Variants in GALNT13 observed in about 807,000 individuals in gnomAD.
The protein encoded by GALNT13 is polypeptide N-acetylgalactosaminyltransferase 13.
In GALNT13, 28 loss-of-function variants were observed where a neutral mutation model predicts 64.2. The ratio of observed to expected loss-of-function variants is 0.44; its 90% CI spans 0.32 to 0.60. The LOEUF (loss-of-function observed/expected upper bound fraction) is 0.60, where lower values mean the gene tolerates loss of function less well. Ranked by LOEUF, GALNT13 falls within the 20% of genes least tolerant of loss-of-function variation. The probability of loss-of-function intolerance (pLI) is 0.05; values close to 1 mark genes in which losing one functional copy is unlikely to be tolerated. For synonymous variants in GALNT13, 214 were observed against 224.6 expected (o/e 0.95, Z 0.42); for missense variants, 577 against 669.8 (o/e 0.86, Z 1.53).
Position 154,417,533 on chromosome 2 carries a change from C to T in GALNT13, c.1395+8451C>T, listed in dbSNP as rs1003432937. On this transcript the variant is annotated intron_variant, in intron 11 of 12. Transcript: ENST00000392825. ...TATTTATTTATTTATTTTTTTGAGG[C>T]GGAGTCTTGCTCTGTTGCCCAGGCT... Among the ~76,000 whole-genome samples the T allele has an allele frequency of 3.1e-3, 43 of 13,854 alleles. 1 individual carries two copies. In the South Asian group the frequency reaches 0.057, roughly 18 times the overall value. 9.1% of individuals were successfully genotyped at this position (13,854 alleles called of 152,430 possible).
the GALNT13 span, among the ~76,000 whole-genome samples, chr2:153,308,908 G>A: frequency 2.0e-5 from 3 of 152,050 alleles, no homozygotes; most frequent in Non-Finnish European, 4.4e-5. Context: ...ATGACATACA[G>A]GAGAGAAAGA....
the GALNT13 span, among the ~76,000 whole-genome samples, chr2:153,149,931 T>G: frequency 1.3e-5 from 2 of 151,800 alleles, no homozygotes; most frequent in African/African-American, 4.8e-5. Context: ...GGGGTTTTTT[T>G]TGCCTGAAAA....
the GALNT13 span, among the ~76,000 whole-genome samples, chr2:153,850,997 A>G: frequency 1.3e-5 from 2 of 152,198 alleles, no homozygotes; most frequent in Non-Finnish European, 2.9e-5. Flanking sequence ...TAAGGTGACA[A>G]AGAAAATGTT....
chr2:154,222,947 G>A (rs111805303), intron 4 of GALNT13, among the ~76,000 whole-genome samples: 2,968 of 152,182 alleles, frequency 0.02, 82 homozygotes, highest in African/African-American at 0.06. Flanking sequence ...AATAAATAAT[G>A]AAGTAGAATA....
chr2:153,384,485 G>C, the GALNT13 span, among the ~76,000 whole-genome samples: 1 of 151,982 alleles, frequency 6.6e-6, no homozygotes, highest in African/African-American at 2.4e-5. Flanking sequence ...ACTGTGGACT[G>C]TATAAAGTAG....
At chr2:153,268,379 C>T in the GALNT13 span, among the ~76,000 whole-genome samples, 2 of 152,184 alleles carry the variant, frequency 1.3e-5, no homozygotes, top group African/African-American at 4.8e-5. Flanking sequence ...GTCTCACATC[C>T]AGGCCACACT....
chr2:153,970,319 A>G (rs1464176640), intron 3 of GALNT13, among the ~76,000 whole-genome samples: 1 of 152,164 alleles, frequency 6.6e-6, no homozygotes, highest in Non-Finnish European at 1.5e-5. Flanking sequence ...GAAACAGTTC[A>G]TCATCCCTGC....
At chr2:154,063,063 A>G (rs1700276842) in intron 3 of GALNT13, among the ~76,000 whole-genome samples, 1 of 151,674 alleles carries the variant, frequency 6.6e-6, no homozygotes. Context: ...TTTATTTTTT[A>G]CAGAAGGGTG....
chr2:154,248,619 A>C (rs1689909709), intron 7 of GALNT13, among the ~76,000 whole-genome samples: 1 of 152,148 alleles, frequency 6.6e-6, no homozygotes, highest in Non-Finnish European at 1.5e-5. Flanking sequence ...CCAACACTTT[A>C]AAAATGAGAT....
the GALNT13 span, among the ~76,000 whole-genome samples, chr2:153,625,029 G>A: frequency 6.6e-6 from 1 of 151,772 alleles, no homozygotes; most frequent in Non-Finnish European, 1.5e-5. Flanking sequence ...TTTGAAAGTA[G>A]GAAAGAAAGG....
chr2:153,090,710 C>T, the GALNT13 span, among the ~76,000 whole-genome samples: 1 of 152,156 alleles, frequency 6.6e-6, no homozygotes, highest in Admixed American at 6.5e-5. Context: ...GTGTTTGGCT[C>T]CCAGGGCAGG....
the GALNT13 span, among the ~76,000 whole-genome samples, chr2:153,562,058 CTCTGTGTGTGTGTGTGTG>C: frequency 1.1e-4 from 10 of 87,156 alleles, no homozygotes; most frequent in African/African-American, 4.3e-4. Flanking sequence ...CTCTCTCTCT[CTCTGTGTGTGTGTGTGTG>C]TGTGTGTGTG....
chr2:154,087,745 G>A (rs182409966), intron 3 of GALNT13, among the ~76,000 whole-genome samples: 2 of 152,136 alleles, frequency 1.3e-5, no homozygotes, highest in Admixed American at 1.3e-4. Context: ...TGACACACGG[G>A]AGATGTTTCT....
At chr2:153,975,304 C>T (rs1040996063) in intron 3 of GALNT13, among the ~76,000 whole-genome samples, 4 of 151,950 alleles carry the variant, frequency 2.6e-5, no homozygotes, top group Non-Finnish European at 4.4e-5. Flanking sequence ...ACCATTCACC[C>T]CTGCTCCTTT....
chr2:154,431,321 G>C (rs1457497919), intron 11 of GALNT13, among the ~76,000 whole-genome samples: 1 of 152,098 alleles, frequency 6.6e-6, no homozygotes, highest in East Asian at 1.9e-4. Flanking sequence ...CATTAGCACA[G>C]GCTCATGCTA....
intron 8 of GALNT13, among the ~76,000 whole-genome samples, chr2:154,279,870 G>A (rs1217382476): frequency 6.6e-6 from 1 of 151,824 alleles, no homozygotes; most frequent in Non-Finnish European, 1.5e-5. Flanking sequence ...TCTTGAATAA[G>A]TACTTGAGGT....
chr2:153,726,746 C>T, the GALNT13 span, among the ~76,000 whole-genome samples: 1 of 151,998 alleles, frequency 6.6e-6, no homozygotes, highest in Non-Finnish European at 1.5e-5. Context: ...CAAGACCATC[C>T]TGGCTAACAC....
intron 4 of GALNT13, among the ~76,000 whole-genome samples, chr2:154,143,971 G>A (rs1476610354): frequency 2.6e-5 from 4 of 151,128 alleles, no homozygotes; most frequent in African/African-American, 4.9e-5. Context: ...GTCTTAAACT[G>A]TGGAGCAATC....
chr2:154,105,567 C>T (rs559052161), intron 3 of GALNT13, among the ~76,000 whole-genome samples: 1 of 152,240 alleles, frequency 6.6e-6, no homozygotes, highest in East Asian at 1.9e-4. Flanking sequence ...TGTAAGTACA[C>T]TCTATGATGT....
Sources: allele counts gnomAD v4.1 joint callset (sites outside exome capture counted in the v4.1 genomes callset), GRCh38; gene constraint gnomAD v4.1.1; transcripts MANE v1.5; gene names NCBI Gene and HGNC (gene_info 2026-07-23, HGNC 2026-07-21).